The following ZC3HAV1 variants were observed in gnomAD, a reference collection of about 807,000 sequenced individuals.
ZC3HAV1 encodes the protein zinc finger CCCH-type containing, antiviral 1, also known as zinc finger CCCH-type antiviral protein 1.
A neutral mutation model predicts 86.6 loss-of-function variants in ZC3HAV1; 41 were observed. The ratio of observed to expected loss-of-function variants is 0.47; its 90% CI spans 0.37 to 0.61. The LOEUF is 0.61. Ranked by LOEUF, ZC3HAV1 falls within the 20% of genes least tolerant of loss-of-function variation. The pLI is 0.00. For synonymous variants in ZC3HAV1, 421 were observed against 432.1 expected (o/e 0.97, Z 0.32); for missense variants, 964 against 1,141.1 (o/e 0.84, Z 2.24).
chr7:139,060,852 C>G, intron 9 of ZC3HAV1, 184 bp downstream of exon 9: 1 of 1,511,220 alleles, frequency 6.6e-7, no homozygotes. Context: ...GATCTAGTAT[C>G]CTTTCAGTCA....
intron 8 of ZC3HAV1, among the ~76,000 whole-genome samples, chr7:139,063,027 CAAAAAAAA>C (rs58859916): frequency 4.0e-4 from 27 of 68,104 alleles, no homozygotes; most frequent in Admixed American, 8.9e-4. Flanking sequence ...GACTCTGTCT[CAAAAAAAA>C]AAAAAAAAAA....
At chr7:139,107,079 A>T (rs1175070530) in intron 1 of ZC3HAV1, among the ~76,000 whole-genome samples, 1 of 152,246 alleles carries the variant, frequency 6.6e-6, no homozygotes, top group East Asian at 1.9e-4. Flanking sequence ...TTGTCATAAT[A>T]GAAAAGATAA....
At position 139,080,012 on chromosome 7, in the gene ZC3HAV1, G is replaced by T; in HGVS notation, c.929C>A (p.Ser310Ter). 6.2e-7 allele frequency: 1 copy of T among 1,614,178 alleles called. No homozygotes were observed. Among genetic ancestry groups the T allele is most frequent in the Non-Finnish European group, 8.5e-7 (1 of 1,180,028 alleles). ...LGSQDRARPP[S>*]GSSKATDLGG... ...AAGATCAGTAGCCTTGGACGAGCCT[G>T]AGGGAGGCCGAGCGCGATCCTGACT... The change falls in exon 4 of 13, where the codon TCA (serine) becomes TAA (stop). Residue 310 changes from serine (S) to a stop codon, truncating the protein, a stop_gained. Coordinates refer to ENST00000242351, the MANE Select transcript of ZC3HAV1 (RefSeq NM_020119.4). LOFTEE classifies it high-confidence loss of function.
chr7:139,079,108 A>T lies in ZC3HAV1; in HGVS notation c.1471+362T>A, dbSNP rs1223134623. On this transcript the variant is annotated intron_variant, in intron 4 of 12. Coordinates refer to ENST00000242351, the MANE Select transcript of ZC3HAV1 (RefSeq NM_020119.4). ...CTTTGTCCTTCAGTGACTTACACTG[A>T]GCAGAGCCTGTTGTCTTCCTTGTGA... 2.6e-6 allele frequency: 4 copies of T among 1,535,992 alleles called. No individual in the cohort carries two copies. In the East Asian group the frequency reaches 9.8e-5, roughly 38 times the overall value.
intron 6 of ZC3HAV1, among the ~76,000 whole-genome samples, chr7:139,074,378 G>A (rs1322718506): frequency 2.0e-5 from 3 of 152,042 alleles, no homozygotes; most frequent in South Asian, 2.1e-4. Context: ...TATTTAAATC[G>A]TTATCAAAAT....
chr7:139,101,512 T>A (rs1242085067), intron 1 of ZC3HAV1, among the ~76,000 whole-genome samples: 3 of 29,172 alleles, frequency 1.0e-4, no homozygotes, highest in East Asian at 8.9e-4. Flanking sequence ...CTGGGAGGTG[T>A]ACCCAACAGC....
chr7:139,059,980 C>T (rs1816397809), intron 9 of ZC3HAV1, among the ~76,000 whole-genome samples: 1 of 152,126 alleles, frequency 6.6e-6, no homozygotes, highest in Non-Finnish European at 1.5e-5. Flanking sequence ...ATCCACACAG[C>T]TAATGGGTGG....
rs754444041 is a variant in ZC3HAV1, at chr7:139,073,842, G to A, written c.1872+14C>T. The A allele has an allele frequency of 3.1e-6, 5 of 1,595,512 alleles. No homozygotes were observed. Among genetic ancestry groups the A allele is most frequent in the Non-Finnish European group, 4.3e-6 (5 of 1,169,350 alleles). ...TTTAAACAAGAGCCCCCTACAAGGA[G>A]GAACAGTGCTCACCTCTTCTCCATA... On this transcript the variant is annotated intron_variant, in intron 7 of 12. Coordinates refer to ENST00000242351, the MANE Select transcript of ZC3HAV1 (RefSeq NM_020119.4).
chr7:139,091,436 C>A (rs1471773321), intron 1 of ZC3HAV1, among the ~76,000 whole-genome samples: 1 of 151,990 alleles, frequency 6.6e-6, no homozygotes, highest in African/African-American at 2.4e-5. Flanking sequence ...CCACTGCACT[C>A]CAGCCTGGGC....
intron 6 of ZC3HAV1, among the ~76,000 whole-genome samples, chr7:139,075,921 A>G (rs1816928336): frequency 6.6e-6 from 1 of 152,234 alleles, no homozygotes; most frequent in Non-Finnish European, 1.5e-5. Flanking sequence ...ATCATTTAGT[A>G]CTTTTAATAG....
At chr7:139,063,381 T>C (rs896341215) in intron 8 of ZC3HAV1, among the ~76,000 whole-genome samples, 8 of 152,214 alleles carry the variant, frequency 5.3e-5, no homozygotes, top group Non-Finnish European at 1.0e-4. Flanking sequence ...TTTTGTGTTT[T>C]TTTTAACTTT....
At chr7:139,090,875 T>C (rs75808578) in intron 1 of ZC3HAV1, among the ~76,000 whole-genome samples, 8,777 of 152,294 alleles carry the variant, frequency 0.058, 275 homozygotes, top group Non-Finnish European at 0.068. Context: ...CCAAGGACTC[T>C]GTCAACCAGG....
intron 8 of ZC3HAV1, among the ~76,000 whole-genome samples, chr7:139,063,687 G>A (rs560243814): frequency 2.1e-5 from 3 of 143,368 alleles, no homozygotes; most frequent in Admixed American, 7.2e-5. Flanking sequence ...TGGCATCACC[G>A]CACTCTAGCC....
At chr7:139,053,351 T>A in intron 12 of ZC3HAV1, 100 bp downstream of exon 12, 1 of 1,383,932 alleles carries the variant, frequency 7.2e-7, no homozygotes, top group Non-Finnish European at 9.5e-7. Flanking sequence ...GCCTGGACAC[T>A]CTGGTTAATA....
intron 1 of ZC3HAV1, among the ~76,000 whole-genome samples, chr7:139,090,390 T>C (rs1382749696): frequency 6.6e-6 from 1 of 152,194 alleles, no homozygotes; most frequent in Non-Finnish European, 1.5e-5. Context: ...ACACCCAGCC[T>C]ATTATTTTCA....
At chr7:139,097,819 G>A (rs1817652697) in intron 1 of ZC3HAV1, among the ~76,000 whole-genome samples, 1 of 151,982 alleles carries the variant, frequency 6.6e-6, no homozygotes, top group Non-Finnish European at 1.5e-5. Flanking sequence ...GGAGTGGGGG[G>A]ACTCCCTGGT....
intron 7 of ZC3HAV1, among the ~76,000 whole-genome samples, chr7:139,065,866 TGCAGAGCCTG>T (rs990008390): frequency 3.3e-5 from 5 of 151,890 alleles, no homozygotes; most frequent in Non-Finnish European, 7.4e-5. Flanking sequence ...ATCGTGCCAC[TGCAGAGCCTG>T]GCGACAGAGC....
chr7:139,067,457 G>A (rs1816638221), intron 7 of ZC3HAV1, among the ~76,000 whole-genome samples: 1 of 152,036 alleles, frequency 6.6e-6, no homozygotes, highest in South Asian at 2.1e-4. Context: ...GGCCAGGGAA[G>A]CAAAATTTCA....
intron 8 of ZC3HAV1, among the ~76,000 whole-genome samples, chr7:139,063,960 G>A (rs964355960): frequency 2.0e-5 from 3 of 152,086 alleles, no homozygotes; most frequent in Non-Finnish European, 4.4e-5. Context: ...TGCTTAACAA[G>A]CACCTTACTT....
Sources: allele counts gnomAD v4.1 joint callset (sites outside exome capture counted in the v4.1 genomes callset), GRCh38; gene constraint gnomAD v4.1.1; transcripts MANE v1.5; gene names NCBI Gene and HGNC (gene_info 2026-07-23, HGNC 2026-07-21).